SV2C: variants seen among roughly 807,000 people sequenced by gnomAD.
SV2C encodes synaptic vesicle glycoprotein 2C.
Under a neutral mutation model 79.7 loss-of-function variants are expected in SV2C, and 49 were observed. The observed-to-expected ratio is 0.61, with a 90% CI of 0.49 to 0.78. SV2C has a LOEUF of 0.78. Ranked by LOEUF, SV2C falls within the 30% of genes least tolerant of loss-of-function variation. SV2C has a pLI of 0.00. For synonymous variants in SV2C, 334 were observed against 333.2 expected, an observed-to-expected ratio of 1.00 and a Z score of -0.03; for missense variants, 833 against 912.9, an observed-to-expected ratio of 0.91 and a Z score of 1.13.
At chr5:75,959,711 C>T in the SV2C span, among the ~76,000 whole-genome samples, 3 of 151,956 alleles carry the variant, frequency 2.0e-5, no homozygotes, top group African/African-American at 7.2e-5. Flanking sequence ...AACATCACTT[C>T]ATTGTTATTT....
chr5:76,133,729 AT>A (rs971906013), intron 2 of SV2C, among the ~76,000 whole-genome samples: 4 of 152,182 alleles, frequency 2.6e-5, no homozygotes, highest in African/African-American at 4.8e-5. Flanking sequence ...GTCCTTGGTC[AT>A]TTGTCAAATT....
the SV2C span, among the ~76,000 whole-genome samples, chr5:75,927,346 T>A: frequency 6.6e-6 from 1 of 152,120 alleles, no homozygotes; most frequent in Non-Finnish European, 1.5e-5. Flanking sequence ...CCATTTTTGA[T>A]AACATATGTG....
At chr5:76,016,462 A>T in the SV2C span, among the ~76,000 whole-genome samples, 1 of 152,050 alleles carries the variant, frequency 6.6e-6, no homozygotes, top group African/African-American at 2.4e-5. Context: ...TCTCACCACA[A>T]GGGGGAGAAT....
intron 1 of SV2C, among the ~76,000 whole-genome samples, chr5:76,107,449 T>C (rs1206534349): frequency 6.6e-6 from 1 of 152,256 alleles, no homozygotes; most frequent in Admixed American, 6.5e-5. Flanking sequence ...CATTTATGTA[T>C]AATAAGAAAT....
At chr5:75,883,843 T>TAA in the SV2C span, among the ~76,000 whole-genome samples, 13,614 of 145,930 alleles carry the variant, frequency 0.093, 589 homozygotes, top group African/African-American at 0.13. Flanking sequence ...ATAATAATAT[T>TAA]TAAAAAAAAA....
intron 3 of SV2C, among the ~76,000 whole-genome samples, chr5:76,205,504 A>C (rs1463009041): frequency 6.6e-6 from 1 of 152,198 alleles, no homozygotes; most frequent in Non-Finnish European, 1.5e-5. Context: ...CTTAATATCC[A>C]ATACTGAGAA....
intron 4 of SV2C, among the ~76,000 whole-genome samples, chr5:76,268,398 G>A (rs1746733475): frequency 1.3e-5 from 2 of 152,172 alleles, no homozygotes; most frequent in African/African-American, 4.8e-5. Flanking sequence ...AGCTTCGAGA[G>A]ACCTGAAGAG....
At chr5:76,104,232 C>A (rs373155689) in intron 1 of SV2C, among the ~76,000 whole-genome samples, 1 of 152,150 alleles carries the variant, frequency 6.6e-6, no homozygotes, top group Admixed American at 6.5e-5. Flanking sequence ...CCAAGGCCCA[C>A]GGGAAGGGAG....
the SV2C span, among the ~76,000 whole-genome samples, chr5:76,043,809 A>G: frequency 1.3e-5 from 2 of 152,218 alleles, no homozygotes; most frequent in Non-Finnish European, 2.9e-5. Context: ...AAACAAAGCA[A>G]AAAAGTAGAA....
At chr5:76,128,003 C>T (rs1217061064) in intron 1 of SV2C, among the ~76,000 whole-genome samples, 2 of 152,134 alleles carry the variant, frequency 1.3e-5, no homozygotes, top group Non-Finnish European at 1.5e-5. Flanking sequence ...CCTGGGGAAA[C>T]TGAATTGAAA....
the SV2C span, among the ~76,000 whole-genome samples, chr5:75,852,380 C>T: frequency 1.3e-5 from 2 of 151,110 alleles, no homozygotes; most frequent in African/African-American, 4.9e-5. Context: ...CTGATAAGAA[C>T]AAAGATAAAT....
chr5:75,913,776 A>G, the SV2C span, among the ~76,000 whole-genome samples: 23 of 152,162 alleles, frequency 1.5e-4, no homozygotes, highest in African/African-American at 5.3e-4. Context: ...CCCTAAGGTG[A>G]ATATTTGCAA....
chr5:76,137,054 T>C (rs1210383296), intron 2 of SV2C, among the ~76,000 whole-genome samples: 1 of 152,230 alleles, frequency 6.6e-6, no homozygotes, highest in Admixed American at 6.5e-5. Context: ...GCCACTTACT[T>C]GTGTGACCAT....
At chr5:76,172,583 TG>T (rs1159260091) in intron 2 of SV2C, among the ~76,000 whole-genome samples, 3 of 54,822 alleles carry the variant, frequency 5.5e-5, no homozygotes, top group African/African-American at 3.2e-4. Context: ...AGGATGACAA[TG>T]GCGGCTTTGT....
chr5:76,128,974 C>A (rs571786062), intron 1 of SV2C, among the ~76,000 whole-genome samples: 20 of 152,268 alleles, frequency 1.3e-4, no homozygotes, highest in African/African-American at 4.8e-4. Context: ...ATGAGCCAAG[C>A]TCTTCACATT....
chr5:76,026,225 C>CACACAA, the SV2C span, among the ~76,000 whole-genome samples: 2 of 141,140 alleles, frequency 1.4e-5, no homozygotes, highest in Non-Finnish European at 3.3e-5. Context: ...CACACACACA[C>CACACAA]ACACACACAC....
intron 4 of SV2C, among the ~76,000 whole-genome samples, chr5:76,251,492 G>A (rs533637891): frequency 5.9e-5 from 9 of 152,186 alleles, no homozygotes; most frequent in South Asian, 2.1e-4. Context: ...TAGAGGCTTC[G>A]GTGAACTATG....
chr5:76,125,987 G>A (rs1440753393), intron 1 of SV2C, among the ~76,000 whole-genome samples: 1 of 152,204 alleles, frequency 6.6e-6, no homozygotes, highest in East Asian at 1.9e-4. Context: ...AGCTTGGGAA[G>A]CTGAGGCTGC....
chr5:76,052,569 C>T, the SV2C span, among the ~76,000 whole-genome samples: 2 of 152,328 alleles, frequency 1.3e-5, no homozygotes, highest in South Asian at 2.1e-4. Context: ...GCATGTCTGT[C>T]GTGTTTCATC....
Sources: gnomAD v4.1 joint callset for allele counts (sites outside exome capture counted in the v4.1 genomes callset) on GRCh38, gnomAD v4.1.1 for gene constraint, MANE v1.5 for transcripts, NCBI Gene and HGNC (gene_info 2026-07-23, HGNC 2026-07-21) for gene names.